LRRK1: variants seen among roughly 807,000 people sequenced by gnomAD.
LRRK1 encodes leucine rich repeat kinase 1.
A neutral mutation model predicts 209.1 loss-of-function variants in LRRK1; 113 were observed. The observed-to-expected ratio is 0.54, with a 90% CI of 0.46 to 0.63. The LOEUF is 0.63. Ranked by LOEUF, LRRK1 falls within the 30% of genes least tolerant of loss-of-function variation. The pLI, the probability that LRRK1 is intolerant of heterozygous loss-of-function variation, is 0.00. For missense variants in LRRK1, 2,284 were observed against 2,632.2 expected (o/e 0.87, Z 2.89); for synonymous variants, 1,144 against 1,099.7 (o/e 1.04, Z -0.80).
intron 6 of LRRK1, among the ~76,000 whole-genome samples, chr15:100,992,789 C>G (rs1284160024): frequency 6.6e-6 from 1 of 152,144 alleles, no homozygotes; most frequent in Non-Finnish European, 1.5e-5. Context: ...CTGCCTCAGC[C>G]TCCCAAGTAG....
chr15:100,994,384 G>A (rs926232792), intron 6 of LRRK1, among the ~76,000 whole-genome samples: 3 of 152,172 alleles, frequency 2.0e-5, no homozygotes, highest in Non-Finnish European at 4.4e-5. Context: ...TGAATCTGTA[G>A]CGTGAGACCC....
chr15:101,036,433 C>A (rs1452885341), intron 20 of LRRK1, among the ~76,000 whole-genome samples: 1 of 151,892 alleles, frequency 6.6e-6, no homozygotes, highest in East Asian at 1.9e-4. Flanking sequence ...TTCTTCAGTC[C>A]CAGAATTTCC....
Position 101,022,028 on chromosome 15 carries a change from C to G in LRRK1, c.1852+71C>G, listed in dbSNP as rs2033818682. ...ACAACTCCAGTCCACTTGTTAAGTT[C>G]TGGGGGTGGAGACAGTTGGTGACCC... On this transcript the variant is annotated intron_variant, in intron 14 of 33. Coordinates refer to ENST00000388948, the MANE Select transcript of LRRK1 (RefSeq NM_024652.6). The surrounding 1 kb of genome is among the most constrained non-coding windows in gnomAD (Gnocchi z 4.0). 1 of 1,119,756 alleles carries G rather than the reference C, an allele frequency of 8.9e-7. No homozygotes were observed. The highest frequency in any genetic ancestry group is 1.5e-5 in the African/African-American group (1 of 65,030). The allele number at this position is 1,119,756 out of a possible 1,614,324, so 69.4% of individuals were successfully genotyped here. A position where few individuals can be genotyped will look rare whatever the true frequency, so the allele number is the denominator to read the frequency against.
intron 23 of LRRK1, among the ~76,000 whole-genome samples, chr15:101,051,425 C>G (rs2035427519): frequency 6.6e-6 from 1 of 152,170 alleles, no homozygotes; most frequent in Admixed American, 6.5e-5. Flanking sequence ...AGGGATCCCC[C>G]CACTCCTCTC....
chr15:100,946,627 G>A (rs1367627636), intron 2 of LRRK1, among the ~76,000 whole-genome samples: 1 of 152,156 alleles, frequency 6.6e-6, no homozygotes, highest in Non-Finnish European at 1.5e-5. Flanking sequence ...CTCTTCACGG[G>A]CATTTGGGCG....
chr15:100,922,458 C>G (rs897027302), intron 1 of LRRK1, among the ~76,000 whole-genome samples: 2 of 151,200 alleles, frequency 1.3e-5, no homozygotes, highest in Non-Finnish European at 2.9e-5. Context: ...TTTTTTAGAA[C>G]TTAAAAACAT....
chr15:100,965,064 C>G (rs983431588), intron 2 of LRRK1, among the ~76,000 whole-genome samples: 1 of 152,164 alleles, frequency 6.6e-6, no homozygotes, highest in African/African-American at 2.4e-5. Context: ...GGTGTACCTG[C>G]AGAACAGTGA....
intron 2 of LRRK1, among the ~76,000 whole-genome samples, chr15:100,969,895 C>CT (rs34667721): frequency 0.75 from 110,837 of 148,446 alleles, 41,680 homozygotes; most frequent in African/African-American, 0.83. Flanking sequence ...CTTTTTTCTT[C>CT]TTTTTTTTTT....
At chr15:100,995,180 T>A (rs1335056258) in intron 6 of LRRK1, among the ~76,000 whole-genome samples, 1 of 152,110 alleles carries the variant, frequency 6.6e-6, no homozygotes, top group African/African-American at 2.4e-5. Flanking sequence ...TGTGCCATCG[T>A]GTTTTTTGTG....
intron 6 of LRRK1, among the ~76,000 whole-genome samples, chr15:101,001,634 G>C (rs2032695683): frequency 6.6e-6 from 1 of 152,206 alleles, no homozygotes; most frequent in African/African-American, 2.4e-5. Flanking sequence ...CTTGGGGTTT[G>C]TATGGGCCAA....
At chr15:101,009,170 T>G in intron 7 of LRRK1, 107 bp downstream of exon 7, 1 of 883,242 alleles carries the variant, frequency 1.1e-6, no homozygotes, top group Non-Finnish European at 1.8e-6. Context: ...AAAAATGTTC[T>G]GGCTAAAATA....
intron 1 of LRRK1, chr15:100,920,219 C>T (rs2041997042): frequency 6.6e-6 from 1 of 152,454 alleles, no homozygotes; most frequent in African/African-American, 2.4e-5. Context: ...TATGAGGCCG[C>T]GAAGTTTTTC....
chr15:100,982,352 AG>A (rs771779769), intron 3 of LRRK1, among the ~76,000 whole-genome samples: 2 of 152,248 alleles, frequency 1.3e-5, no homozygotes, highest in Admixed American at 6.5e-5. Flanking sequence ...CCAATCTAGC[AG>A]CTATCTGAGC....
chr15:101,037,113 C>T (rs1229664065), intron 20 of LRRK1, among the ~76,000 whole-genome samples: 1 of 152,174 alleles, frequency 6.6e-6, no homozygotes, highest in East Asian at 1.9e-4. Flanking sequence ...TTGGTAGTGG[C>T]ATCAGTGGGC....
chr15:101,018,584 A>T (rs996649466), intron 12 of LRRK1, among the ~76,000 whole-genome samples: 2 of 152,192 alleles, frequency 1.3e-5, no homozygotes, highest in Non-Finnish European at 2.9e-5. Context: ...TGGGCTCAGC[A>T]CTCAATGAGA....
At chr15:101,049,908 C>CT in intron 23 of LRRK1, 125 bp downstream of exon 23, 1 of 1,026,082 alleles carries the variant, frequency 9.7e-7, no homozygotes, top group African/African-American at 1.6e-5. Flanking sequence ...ACTAGGGGGT[C>CT]TTAACAGCAC....
chr15:101,005,582 C>A (rs1402061525), intron 6 of LRRK1, among the ~76,000 whole-genome samples: 3 of 152,172 alleles, frequency 2.0e-5, no homozygotes, highest in Non-Finnish European at 4.4e-5. Context: ...CACCTCACAC[C>A]CAGATCTTGG....
At chr15:100,961,609 C>T (rs1014429153) in intron 2 of LRRK1, among the ~76,000 whole-genome samples, 7 of 150,284 alleles carry the variant, frequency 4.7e-5, no homozygotes, top group Non-Finnish European at 1.0e-4. Context: ...GCCGAGATCG[C>T]GCCACCGCAC....
At chr15:100,923,402 A>G (rs747064414) in intron 1 of LRRK1, among the ~76,000 whole-genome samples, 14 of 152,242 alleles carry the variant, frequency 9.2e-5, no homozygotes, top group Non-Finnish European at 1.6e-4. Context: ...TTTAAAAAAT[A>G]TATTTTTGGC....
Sources: gnomAD v4.1 joint callset for allele counts (sites outside exome capture counted in the v4.1 genomes callset) on GRCh38, gnomAD v4.1.1 for gene constraint, Gnocchi (gnomAD v3.1) non-coding constraint, MANE v1.5 for transcripts, NCBI Gene and HGNC (gene_info 2026-07-23, HGNC 2026-07-21) for gene names.